Variants in PCLO observed in about 807,000 individuals in gnomAD.
PCLO encodes the protein piccolo presynaptic cytomatrix protein.
In PCLO, 82 loss-of-function variants were observed where a neutral mutation model predicts 427.5. That is an observed-to-expected ratio of 0.19 (90% CI 0.16 to 0.23). PCLO has a LOEUF of 0.23. Among genes scored for constraint, PCLO ranks in the 10% least tolerant of loss-of-function variants. PCLO has a pLI of 1.00. For missense variants in PCLO, 6,239 were observed against 6,115.9 expected (o/e 1.02, Z -0.67); for synonymous variants, 2,357 against 2,155.4 (o/e 1.09, Z -2.59).
intron 3 of PCLO, among the ~76,000 whole-genome samples, chr7:83,016,934 T>C (rs1161389541): frequency 6.6e-5 from 10 of 152,078 alleles, no homozygotes; most frequent in African/African-American, 2.4e-4. Context: ...ATGTAGTGCC[T>C]TAAACCATGT....
Position 82,955,355 on chromosome 7 carries a change from G to A in PCLO, c.5598C>T (p.Asp1866=). Residue 1866 remains aspartate (D), a synonymous_variant, in exon 5 of 25, where the codon GAC becomes GAT. Coordinates refer to ENST00000333891, the MANE Select transcript of PCLO (RefSeq NM_033026.6). ...CCGGGCTTATTTCAAAACCTTCTGGGTCTGACTCTATGCTAGGTGAATATT... is the reference window on the plus strand; with the variant it reads ...CCGGGCTTATTTCAAAACCTTCTGGATCTGACTCTATGCTAGGTGAATATT... ...CSEYSPSIES[D]PEGFEISPEK... 1 of 1,613,636 alleles carries A rather than the reference G, an allele frequency of 6.2e-7. No homozygotes were observed. The highest frequency in any genetic ancestry group is 1.3e-5 in the African/African-American group (1 of 74,992).
At chr7:83,052,561 C>T (rs1010316364) in intron 3 of PCLO, among the ~76,000 whole-genome samples, 5 of 151,854 alleles carry the variant, frequency 3.3e-5, no homozygotes, top group Non-Finnish European at 7.4e-5. Context: ...CATAGTGTCT[C>T]AAATTATTTT....
At chr7:83,018,867 G>A (rs1157766604) in intron 3 of PCLO, among the ~76,000 whole-genome samples, 2 of 151,942 alleles carry the variant, frequency 1.3e-5, no homozygotes, top group Non-Finnish European at 2.9e-5. Context: ...AAAGTATTCT[G>A]TGTTTTACAC....
intron 6 of PCLO, among the ~76,000 whole-genome samples, chr7:82,919,022 T>C (rs1465006188): frequency 6.6e-6 from 1 of 151,998 alleles, no homozygotes; most frequent in East Asian, 1.9e-4. Flanking sequence ...CTTTTCAAAA[T>C]GCACATTACA....
At chr7:82,945,065 G>C (rs1395838070) in intron 6 of PCLO, among the ~76,000 whole-genome samples, 1 of 152,018 alleles carries the variant, frequency 6.6e-6, no homozygotes, top group African/African-American at 2.4e-5. Context: ...CATACCTAGG[G>C]AGCAAGCTTA....
chr7:83,139,066 T>C (rs531401954), intron 2 of PCLO, among the ~76,000 whole-genome samples: 1 of 152,108 alleles, frequency 6.6e-6, no homozygotes, highest in Non-Finnish European at 1.5e-5. Context: ...TAGCGGAAAA[T>C]ATAGATGGCG....
chr7:82,801,339 T>C lies in PCLO; in HGVS notation c.15007+179A>G, dbSNP rs554746697. On this transcript the variant is annotated intron_variant, in intron 22 of 24. Transcript: ENST00000333891. The stretch of plus-strand genomic sequence containing the variant: ...TTAATGTTAAACACAAATGAGAAAA[T>C]TGGGGAATTGTAAAATGAATACAGT... Among the ~76,000 whole-genome samples the C allele has an allele frequency of 7.2e-5, 11 of 151,796 alleles. No homozygotes were observed. In the East Asian group the frequency reaches 2.2e-3, roughly 30 times the overall value.
chr7:83,010,492 C>T (rs1026855086), intron 3 of PCLO, among the ~76,000 whole-genome samples: 4 of 151,388 alleles, frequency 2.6e-5, no homozygotes, highest in Admixed American at 2.0e-4. Context: ...ATTTTGGCCA[C>T]CAAACATGAT....
intron 8 of PCLO, among the ~76,000 whole-genome samples, chr7:82,904,640 G>A (rs891297831): frequency 6.6e-6 from 1 of 151,784 alleles, no homozygotes; most frequent in African/African-American, 2.4e-5. Flanking sequence ...TTGCCTTTTA[G>A]TATTCTTTCC....
intron 9 of PCLO, among the ~76,000 whole-genome samples, chr7:82,899,828 T>C (rs557429820): frequency 6.6e-6 from 1 of 151,510 alleles, no homozygotes; most frequent in Non-Finnish European, 1.5e-5. Context: ...AATAATAAGG[T>C]TGAAGGAATA....
chr7:82,954,525 T>C lies in PCLO; in HGVS notation c.6428A>G (p.Asp2143Gly). The C allele has an allele frequency of 6.2e-7, 1 of 1,613,948 alleles. No homozygotes were observed. Among genetic ancestry groups the C allele is most frequent in the Non-Finnish European group, 8.5e-7 (1 of 1,179,842 alleles). ...TCTTGTATAATCGGTTACATATTCATCCTCAATTTCTTCTGTTGAAAAATG... is the reference window on the plus strand; with the variant it reads ...TCTTGTATAATCGGTTACATATTCACCCTCAATTTCTTCTGTTGAAAAATG... ...TQHFSTEEIEDEYVTDYTREI... is the reference protein window; with the variant it reads ...TQHFSTEEIEGEYVTDYTREI... Residue 2143 changes from aspartate to glycine, a missense_variant, in exon 5 of 25, where the codon GAT (aspartate) becomes GGT (glycine). This residue lies in a region of PCLO where 4,677 missense variants were observed against 4,468.4 expected (regional missense o/e 1.05). Coordinates refer to ENST00000333891, the MANE Select transcript of PCLO (RefSeq NM_033026.6).
chr7:82,821,584 G>C (rs1229257896), intron 20 of PCLO: 50 of 971,934 alleles, frequency 5.1e-5, no homozygotes, highest in Non-Finnish European at 6.0e-5. Flanking sequence ...CACATATTAA[G>C]TTTTTATATA....
At chr7:82,982,583 T>G (rs1796170673) in intron 3 of PCLO, among the ~76,000 whole-genome samples, 1 of 151,154 alleles carries the variant, frequency 6.6e-6, no homozygotes, top group Non-Finnish European at 1.5e-5. Flanking sequence ...CTTTAGATAT[T>G]AAAACTTAAT....
chr7:82,869,164 C>G (rs932850033), intron 10 of PCLO, among the ~76,000 whole-genome samples: 5 of 151,926 alleles, frequency 3.3e-5, no homozygotes, highest in Non-Finnish European at 7.4e-5. Context: ...TGATATTAAC[C>G]AAGTAAAATT....
At chr7:82,879,825 TA>T in intron 9 of PCLO, 1 of 453,818 alleles carries the variant, frequency 2.2e-6, no homozygotes, top group South Asian at 1.6e-5. Context: ...ACATTTTACT[TA>T]TAGAAGAGCA....
chr7:83,012,311 T>C (rs1445111499), intron 3 of PCLO, among the ~76,000 whole-genome samples: 1 of 152,048 alleles, frequency 6.6e-6, no homozygotes, highest in Non-Finnish European at 1.5e-5. Context: ...TAGAGTTGAC[T>C]GATAATTGTT....
At chr7:82,855,085 A>G (rs1792767047) in intron 10 of PCLO, among the ~76,000 whole-genome samples, 1 of 152,142 alleles carries the variant, frequency 6.6e-6, no homozygotes, top group South Asian at 2.1e-4. Flanking sequence ...TTTAGCTCCA[A>G]TCACAAAAAA....
chr7:82,954,585 G>A lies in PCLO; in HGVS notation c.6368C>T (p.Ala2123Val), dbSNP rs200677689. The change falls in exon 5 of 25, where the codon GCA (alanine) becomes GTA (valine). Residue 2123 changes from alanine to valine, a missense_variant. Physicochemically the swap from Ala to Val is moderately conservative, Grantham distance 64 (BLOSUM62 0). Coordinates refer to ENST00000333891, the MANE Select transcript of PCLO (RefSeq NM_033026.6). ...TTTAACATCTGGGATAGAGAGTGTT[G>A]CACTGCTGGTCGAATCTGTAAGAGA... Reference protein sequence around the residue: ...GASLTDSTSSATLSIPDVKIT... With the variant: ...GASLTDSTSSVTLSIPDVKIT... 51 of 1,613,920 alleles carry A rather than the reference G, an allele frequency of 3.2e-5. No individual in the cohort carries two copies. The African/African-American group carries it at 5.7e-4, about 18-fold the overall frequency.
At chr7:82,879,815 A>G (rs1353803126) in intron 9 of PCLO, 1 of 451,874 alleles carries the variant, frequency 2.2e-6, no homozygotes, top group East Asian at 6.9e-5. Context: ...AGACTAAGGA[A>G]CATTTTACTT....
Sources: gnomAD v4.1 joint callset for allele counts (sites outside exome capture counted in the v4.1 genomes callset) on GRCh38, gnomAD v4.1.1 for gene constraint, gnomAD v4.1.1 regional missense constraint, MANE v1.5 for transcripts, NCBI Gene and HGNC (gene_info 2026-07-23, HGNC 2026-07-21) for gene names.